BRINP1: variants seen among roughly 807,000 people sequenced by gnomAD.
BRINP1 encodes BMP/retinoic acid inducible neural specific 1, also known as BMP/retinoic acid-inducible neural-specific protein 1.
A neutral mutation model predicts 72.9 loss-of-function variants in BRINP1; 17 were observed. The observed-to-expected ratio is 0.23, with a 90% CI of 0.16 to 0.35. The LOEUF (loss-of-function observed/expected upper bound fraction) is 0.35, where lower values mean the gene tolerates loss of function less well. Ranked by LOEUF, BRINP1 falls within the 10% of genes least tolerant of loss-of-function variation. The pLI is 1.00. For synonymous variants in BRINP1, 418 were observed against 378.5 expected (o/e 1.10, Z -1.21); for missense variants, 850 against 1,001.6 (o/e 0.85, Z 2.04).
rs567850802 is a variant in BRINP1 at position 119,216,243 on chromosome 9, A to C, written c.686-2088T>G. Among the ~76,000 whole-genome samples, 4 of 152,310 alleles carry C rather than the reference A, an allele frequency of 2.6e-5. No homozygotes were observed. The South Asian group carries it at 6.2e-4, about 24-fold the overall frequency. ...GCTTTGATAAGCAGGAGGGTTTAGAATTCTGTGCCTGTTGAACCAGCATTG... is the reference window on the plus strand; with the variant it reads ...GCTTTGATAAGCAGGAGGGTTTAGACTTCTGTGCCTGTTGAACCAGCATTG... On this transcript the variant is annotated intron_variant, in intron 5 of 7. Transcript: ENST00000265922.
At chr9:119,253,355 T>C (rs1830412853) in intron 2 of BRINP1, among the ~76,000 whole-genome samples, 2 of 152,134 alleles carry the variant, frequency 1.3e-5, no homozygotes, top group African/African-American at 2.4e-5. Flanking sequence ...GCAATCAAAC[T>C]AAGTGCCAAT....
chr9:119,222,446 G>C (rs1426353998), intron 5 of BRINP1, among the ~76,000 whole-genome samples: 2 of 151,950 alleles, frequency 1.3e-5, no homozygotes, highest in Non-Finnish European at 2.9e-5. Flanking sequence ...TTAATTATCT[G>C]GTTCCTAACA....
chr9:119,332,279 T>C (rs559905287), intron 1 of BRINP1, among the ~76,000 whole-genome samples: 53 of 152,238 alleles, frequency 3.5e-4, no homozygotes, highest in Admixed American at 1.1e-3. Context: ...TTAATAATAA[T>C]TTACTAATGA....
rs1298339491 is a variant in BRINP1 at position 119,167,280 on chromosome 9, A to G, written c.2090T>C (p.Leu697Ser). ...YSSSSVMLLL[L>S]DIRDRINRLA... ...GCGATTAATTCGGTCCCGAATATCC[A>G]ACAAGAGGAGCATCACTGACGAAGA... Residue 697 changes from leucine to serine, a missense_variant, in exon 8 of 8, where the codon TTG (leucine) becomes TCG (serine). By Grantham distance (145) the Leu-to-Ser change is moderately radical (BLOSUM62 -2). Coordinates refer to ENST00000265922, the MANE Select transcript of BRINP1 (RefSeq NM_014618.3). This position sits in a 1 kb window ranked among gnomAD's most constrained non-coding sequence, Gnocchi z 4.3. The G allele has an allele frequency of 6.2e-7, 1 of 1,614,176 alleles. No individual in the cohort carries two copies. The highest frequency in any genetic ancestry group is 8.5e-7 in the Non-Finnish European group (1 of 1,180,048).
chr9:119,303,875 C>CTTTTTTT (rs11292229), intron 2 of BRINP1, among the ~76,000 whole-genome samples: 3 of 138,724 alleles, frequency 2.2e-5, no homozygotes, highest in Non-Finnish European at 3.1e-5. Flanking sequence ...CTCTTTTTTT[C>CTTTTTTT]TTTTTTTTTT....
intron 7 of BRINP1, among the ~76,000 whole-genome samples, chr9:119,191,422 T>C (rs895961516): frequency 1.3e-5 from 2 of 151,814 alleles, no homozygotes; most frequent in Admixed American, 6.6e-5. Flanking sequence ...TTAGAATAAA[T>C]GCATTAAATA....
chr9:119,176,094 C>T (rs1233659454), intron 7 of BRINP1, among the ~76,000 whole-genome samples: 1 of 152,126 alleles, frequency 6.6e-6, no homozygotes, highest in African/African-American at 2.4e-5. Flanking sequence ...TCAATAAAAG[C>T]GGTTGTTATT....
chr9:119,172,097 T>G (rs887253425), intron 7 of BRINP1, among the ~76,000 whole-genome samples: 5 of 147,342 alleles, frequency 3.4e-5, no homozygotes, highest in Non-Finnish European at 6.0e-5. Flanking sequence ...GCAAACACAT[T>G]CAAAAGCTAG....
intron 7 of BRINP1, among the ~76,000 whole-genome samples, chr9:119,178,783 T>C (rs1037001023): frequency 2.6e-5 from 4 of 152,196 alleles, no homozygotes; most frequent in African/African-American, 9.6e-5. Context: ...TGGAGTACCT[T>C]TGTGATCTCA....
chr9:119,200,594 G>A (rs768239383), intron 7 of BRINP1, among the ~76,000 whole-genome samples: 5 of 149,192 alleles, frequency 3.4e-5, no homozygotes, highest in South Asian at 4.3e-4. Context: ...ACTGCACTTC[G>A]GCCTGGGTGA....
At chr9:119,339,459 T>G (rs1180440496) in intron 1 of BRINP1, among the ~76,000 whole-genome samples, 1 of 152,242 alleles carries the variant, frequency 6.6e-6, no homozygotes, top group Non-Finnish European at 1.5e-5. Context: ...GTCAAAACTT[T>G]TATCTGTTTG....
chr9:119,213,613 T>A (rs1829950881), intron 6 of BRINP1: 1 of 552,998 alleles, frequency 1.8e-6, no homozygotes. Context: ...TCAATACAAC[T>A]ACCTCTGACT....
chr9:119,245,509 T>G (rs1830305038), intron 3 of BRINP1, among the ~76,000 whole-genome samples: 1 of 152,194 alleles, frequency 6.6e-6, no homozygotes. Context: ...ATGCCTGTTT[T>G]CTTGTGTGTT....
In BRINP1 at chr9:119,168,194, C is replaced by G; in HGVS notation, c.1176G>C (p.Gln392His). ...RTIQQWLARVQSLLYCNENGF... is the reference protein window; with the variant it reads ...RTIQQWLARVHSLLYCNENGF... ...CATTCTCATTACAGTAGAGGAGTGA[C>G]TGGACCCTTGCAAGCCACTGCTGAA... is the stretch of plus-strand genomic sequence containing the variant. The change falls in exon 8 of 8, where the codon CAG (glutamine) becomes CAC (histidine). Residue 392 changes from glutamine to histidine, a missense_variant. Transcript: ENST00000265922. 1 of 1,531,108 alleles carries G rather than the reference C, an allele frequency of 6.5e-7. No individual in the cohort carries two copies. The highest frequency in any genetic ancestry group is 1.4e-5 in the African/African-American group (1 of 72,522). The allele number at this position is 1,531,108 out of a possible 1,614,324, so 94.8% of individuals were successfully genotyped here.
At chr9:119,178,542 A>G (rs752515745) in intron 7 of BRINP1, among the ~76,000 whole-genome samples, 1 of 152,188 alleles carries the variant, frequency 6.6e-6, no homozygotes, top group Non-Finnish European at 1.5e-5. Context: ...GTTATCATGG[A>G]TAGTCATAAA....
At chr9:119,230,967 G>T (rs1179325586) in intron 5 of BRINP1, among the ~76,000 whole-genome samples, 1 of 151,820 alleles carries the variant, frequency 6.6e-6, no homozygotes, top group Non-Finnish European at 1.5e-5. Context: ...TTTGGAAATT[G>T]GGAATAAGCT....
intron 2 of BRINP1, among the ~76,000 whole-genome samples, chr9:119,300,048 C>T (rs1025926293): frequency 2.6e-5 from 4 of 151,880 alleles, no homozygotes; most frequent in South Asian, 2.1e-4. Context: ...CTCAGTGATT[C>T]GTTTCACACC....
intron 7 of BRINP1, among the ~76,000 whole-genome samples, chr9:119,179,532 C>T (rs181000538): frequency 1.8e-3 from 278 of 152,224 alleles, no homozygotes; most frequent in African/African-American, 6.3e-3. Flanking sequence ...CACGTTTAGG[C>T]CTGAACACAG....
At chr9:119,307,186 A>G (rs10818296) in intron 2 of BRINP1, among the ~76,000 whole-genome samples, 73,306 of 151,284 alleles carry the variant, frequency 0.48, 18,387 homozygotes, top group African/African-American at 0.6. Flanking sequence ...CCAGTTGGAC[A>G]CCAAGAATCT....
Sources: allele counts gnomAD v4.1 joint callset (sites outside exome capture counted in the v4.1 genomes callset), GRCh38; gene constraint gnomAD v4.1.1; non-coding constraint Gnocchi (gnomAD v3.1); transcripts MANE v1.5; gene names NCBI Gene and HGNC (gene_info 2026-07-23, HGNC 2026-07-21).